The following AKT3 variants were observed in gnomAD, a reference collection of about 807,000 sequenced individuals.
AKT3 encodes the protein RAC-gamma serine/threonine-protein kinase.
Under a neutral mutation model 65.3 loss-of-function variants are expected in AKT3, and 15 were observed. The observed-to-expected ratio is 0.23, with a 90% confidence interval of 0.15 to 0.35. The LOEUF (loss-of-function observed/expected upper bound fraction) is 0.35. Ranked by LOEUF, AKT3 falls within the 10% of genes least tolerant of loss-of-function variation. AKT3 has a pLI of 1.00. For missense variants in AKT3, 243 were observed against 576.5 expected (o/e 0.42, Z 5.92); for synonymous variants, 206 against 183.8 (o/e 1.12, Z -0.98).
At position 243,504,080 on chromosome 1, in the gene AKT3, A is replaced by T. The variant is rs1178903910; in HGVS notation, c.*1169T>A. The T allele has an allele frequency of 4.5e-6, 1 of 223,008 alleles. No individual in the cohort carries two copies. The highest frequency in any genetic ancestry group is 9.0e-6 in the Non-Finnish European group (1 of 111,518). The allele number at this position is 223,008 out of a possible 1,614,324, so 13.8% of individuals were successfully genotyped here. On this transcript the variant is annotated 3_prime_UTR_variant, in exon 14 of 14. Transcript: ENST00000673466. Reference sequence around the variant, plus strand: ...ATATATTCCATTTCAGAGCCTTATCATTTTTTTTAACAGAGGAGAAAAAGT... The same window carrying T: ...ATATATTCCATTTCAGAGCCTTATCTTTTTTTTTAACAGAGGAGAAAAAGT...
At chr1:243,834,472 G>A (rs1459721764) in intron 2 of AKT3, among the ~76,000 whole-genome samples, 1 of 152,146 alleles carries the variant, frequency 6.6e-6, no homozygotes, top group Non-Finnish European at 1.5e-5. Flanking sequence ...CATGGACAAT[G>A]TATACTCGAT....
chr1:243,552,288 C>CA (rs33995513), intron 11 of AKT3, among the ~76,000 whole-genome samples: 8,849 of 50,022 alleles, frequency 0.18, 3,104 homozygotes, highest in African/African-American at 0.28. Flanking sequence ...GACTCTGTCT[C>CA]AAAAAAAAAA....
chr1:243,626,334 A>G (rs79465483), intron 6 of AKT3, among the ~76,000 whole-genome samples: 1,648 of 152,326 alleles, frequency 0.011, 36 homozygotes, highest in African/African-American at 0.038. Context: ...AATAAAATGG[A>G]CACTGATGTT....
chr1:243,585,388 A>C (rs1574655957), intron 8 of AKT3, among the ~76,000 whole-genome samples: 1 of 152,104 alleles, frequency 6.6e-6, no homozygotes, highest in African/African-American at 2.4e-5. Context: ...GGAAAAAAAA[A>C]ACTACAAAAT....
At chr1:243,842,173 G>A (rs995045565) in intron 2 of AKT3, among the ~76,000 whole-genome samples, 5 of 152,074 alleles carry the variant, frequency 3.3e-5, no homozygotes. Flanking sequence ...ACTTAATAAG[G>A]CTCATTTAAA....
rs1024776104 is a variant in AKT3 at position 243,720,060 on chromosome 1, C to T, written c.47-24344G>A. On this transcript the variant is annotated intron_variant, in intron 2 of 13. Transcript: ENST00000673466. ...GGGCGCGGTGCCTCACACCTGTAAT[C>T]CCAGCACTCTGGAAGGCTGTGGTGG... 2.6e-5 allele frequency among the ~76,000 whole-genome samples: 4 copies of T among 152,106 alleles called. No individual in the cohort carries two copies. The South Asian group carries it at 8.3e-4, about 32-fold the overall frequency.
chr1:243,699,980 G>C (rs1024869120), intron 2 of AKT3, among the ~76,000 whole-genome samples: 1 of 152,162 alleles, frequency 6.6e-6, no homozygotes, highest in Non-Finnish European at 1.5e-5. Context: ...TTCTCCCCTG[G>C]AGCCTTCTCA....
chr1:243,572,338 G>A (rs1235852252), intron 9 of AKT3, among the ~76,000 whole-genome samples: 1 of 152,036 alleles, frequency 6.6e-6, no homozygotes, highest in Admixed American at 6.6e-5. Flanking sequence ...GACTATACAC[G>A]AACAGCAAAG....
chr1:243,839,827 G>A, intron 2 of AKT3, among the ~76,000 whole-genome samples: 1 of 147,178 alleles, frequency 6.8e-6, no homozygotes, highest in Non-Finnish European at 1.5e-5. Flanking sequence ...TCAATTTTTT[G>A]TTGTTGTTGT....
At chr1:243,687,316 T>C (rs561764268) in intron 3 of AKT3, 5 of 152,210 alleles carry the variant, frequency 3.3e-5, no homozygotes, top group African/African-American at 9.6e-5. Context: ...AATGATTGGC[T>C]TGGGAATACA....
At chr1:243,821,939 T>G (rs780161966) in intron 2 of AKT3, among the ~76,000 whole-genome samples, 1 of 152,168 alleles carries the variant, frequency 6.6e-6, no homozygotes, top group Non-Finnish European at 1.5e-5. Context: ...ACCTGATAGA[T>G]ATCTGTAGAA....
At chr1:243,737,143 T>G (rs1687890127) in intron 2 of AKT3, among the ~76,000 whole-genome samples, 1 of 152,170 alleles carries the variant, frequency 6.6e-6, no homozygotes, top group South Asian at 2.1e-4. Context: ...CCTTCGGATC[T>G]CAGCTTCAAG....
At chr1:243,708,213 C>T (rs1055006426) in intron 2 of AKT3, among the ~76,000 whole-genome samples, 16 of 151,872 alleles carry the variant, frequency 1.1e-4, no homozygotes, top group Non-Finnish European at 1.2e-4. Context: ...ATGATATCGT[C>T]GAATTGAAGG....
At chr1:243,542,603 A>G (rs1672398880) in intron 12 of AKT3, among the ~76,000 whole-genome samples, 1 of 152,218 alleles carries the variant, frequency 6.6e-6, no homozygotes, top group Non-Finnish European at 1.5e-5. Flanking sequence ...TTAGGAATGA[A>G]TTGACTTTTA....
At chr1:243,693,740 C>T (rs1355820058) in intron 3 of AKT3, among the ~76,000 whole-genome samples, 3 of 152,102 alleles carry the variant, frequency 2.0e-5, no homozygotes, top group Non-Finnish European at 2.9e-5. Flanking sequence ...TCTTTCCTCA[C>T]ATAACTGTTA....
chr1:243,573,863 CT>C (rs1457663336), intron 8 of AKT3, among the ~76,000 whole-genome samples: 1 of 152,144 alleles, frequency 6.6e-6, no homozygotes, highest in African/African-American at 2.4e-5. Flanking sequence ...CAATAGGCCA[CT>C]TCTTCATTAA....
intron 5 of AKT3, among the ~76,000 whole-genome samples, chr1:243,645,219 T>C (rs1680717149): frequency 6.6e-6 from 1 of 152,204 alleles, no homozygotes; most frequent in East Asian, 1.9e-4. Flanking sequence ...ATCAAACATA[T>C]TCTAAAGTGA....
At chr1:243,586,315 C>T (rs1675798381) in intron 8 of AKT3, among the ~76,000 whole-genome samples, 1 of 151,474 alleles carries the variant, frequency 6.6e-6, no homozygotes, top group African/African-American at 2.4e-5. Context: ...ATTAATTCAG[C>T]CACTATGGAA....
intron 8 of AKT3, among the ~76,000 whole-genome samples, chr1:243,576,025 G>A (rs1674915052): frequency 6.6e-6 from 1 of 151,952 alleles, no homozygotes; most frequent in South Asian, 2.1e-4. Context: ...TTTTTTTTCT[G>A]TAGATAATAA....
Sources: gnomAD v4.1 joint callset for allele counts (sites outside exome capture counted in the v4.1 genomes callset) on GRCh38, gnomAD v4.1.1 for gene constraint, MANE v1.5 for transcripts, NCBI Gene and HGNC (gene_info 2026-07-23, HGNC 2026-07-21) for gene names.